CSGALNACT1: variants seen among roughly 807,000 people sequenced by gnomAD.
The protein encoded by CSGALNACT1 is chondroitin sulfate N-acetylgalactosaminyltransferase 1.
In CSGALNACT1, 52 loss-of-function variants were observed where a neutral mutation model predicts 51.0. The observed-to-expected ratio is 1.02, with a 90% CI of 0.82 to 1.29. The LOEUF (loss-of-function observed/expected upper bound fraction) is 1.29, where lower values mean the gene tolerates loss of function less well. Among genes scored for constraint, CSGALNACT1 ranks in the 50% most tolerant of loss-of-function variants. CSGALNACT1 has a pLI of 0.00. For synonymous variants in CSGALNACT1, 341 were observed against 254.4 expected, an observed-to-expected ratio of 1.34 and a Z score of -3.24; for missense variants, 935 against 679.2, an observed-to-expected ratio of 1.38 and a Z score of -4.19.
At chr8:19,407,366 C>T (rs1216186010) in intron 9 of CSGALNACT1, among the ~76,000 whole-genome samples, 5 of 152,166 alleles carry the variant, frequency 3.3e-5, no homozygotes, top group East Asian at 3.9e-4. Context: ...ACCAGCAGCT[C>T]GTGGGGAGCC....
chr8:19,693,043 C>A (rs2061409617), intron 1 of CSGALNACT1, among the ~76,000 whole-genome samples: 3 of 152,208 alleles, frequency 2.0e-5, no homozygotes, highest in African/African-American at 7.2e-5. Context: ...GAGTCTCGCT[C>A]CATCCCTGAC....
chr8:19,461,898 T>C lies in CSGALNACT1; in HGVS notation c.635-3256A>G, dbSNP rs150795834. On this transcript the variant is annotated intron_variant, in intron 4 of 9. Transcript: ENST00000454498. ...ATCCACACAGCAGCCACATTTACCATGGAGGGTGTATCCGCACAGCACCCA... is the reference window on the plus strand; with the variant it reads ...ATCCACACAGCAGCCACATTTACCACGGAGGGTGTATCCGCACAGCACCCA... Among the ~76,000 whole-genome samples the C allele has an allele frequency of 1.9e-3, 283 of 150,728 alleles. 8 individuals carry two copies. Among genetic ancestry groups the C allele is most frequent in the African/African-American group, 6.5e-3 (269 of 41,236 alleles).
At chr8:19,664,626 TACACACAC>T (rs58327790) in intron 1 of CSGALNACT1, among the ~76,000 whole-genome samples, 1 of 150,188 alleles carries the variant, frequency 6.7e-6, no homozygotes, top group Non-Finnish European at 1.5e-5. Context: ...TGGATGTATG[TACACACAC>T]ACAAACACAC....
chr8:19,739,343 A>G (rs1039458363), intron 1 of CSGALNACT1, among the ~76,000 whole-genome samples: 2 of 152,144 alleles, frequency 1.3e-5, no homozygotes, highest in African/African-American at 4.8e-5. Flanking sequence ...CTGCATCCCC[A>G]GCTAGGATCT....
At chr8:19,624,676 GT>G (rs552913018) in intron 1 of CSGALNACT1, among the ~76,000 whole-genome samples, 76 of 144,314 alleles carry the variant, frequency 5.3e-4, no homozygotes, top group African/African-American at 1.3e-3. Context: ...CCATCTTCTT[GT>G]TTTTTTTTTT....
chr8:19,540,050 A>C (rs374126622), intron 3 of CSGALNACT1, among the ~76,000 whole-genome samples: 1 of 152,222 alleles, frequency 6.6e-6, no homozygotes, highest in Non-Finnish European at 1.5e-5. Context: ...CAGAGCCACA[A>C]AAGACTAAAG....
At chr8:19,700,769 T>C (rs546008793) in intron 1 of CSGALNACT1, among the ~76,000 whole-genome samples, 1 of 152,212 alleles carries the variant, frequency 6.6e-6, no homozygotes, top group Non-Finnish European at 1.5e-5. Context: ...GAAAAGGCAA[T>C]CAACCTCTAT....
chr8:19,444,228 T>C (rs2061762195), intron 5 of CSGALNACT1, among the ~76,000 whole-genome samples: 1 of 152,262 alleles, frequency 6.6e-6, no homozygotes, highest in Non-Finnish European at 1.5e-5. Flanking sequence ...CTTTAAATCA[T>C]TTCCAGATTA....
intron 3 of CSGALNACT1, among the ~76,000 whole-genome samples, chr8:19,530,602 G>A (rs905660713): frequency 5.3e-5 from 8 of 152,130 alleles, no homozygotes; most frequent in African/African-American, 7.2e-5. Context: ...ACAGTGGCTC[G>A]CAGCTCGAGT....
chr8:19,696,367 T>A lies in CSGALNACT1; in HGVS notation c.-297+61483A>T, dbSNP rs143986899. ...AACAACCAACTCTTCGTTCCAGGGATATAAGCATGAATTAAAGGCAGGCCT... is the reference window on the plus strand; with the variant it reads ...AACAACCAACTCTTCGTTCCAGGGAAATAAGCATGAATTAAAGGCAGGCCT... On this transcript the variant is annotated intron_variant, in intron 1 of 1. Transcript: ENST00000517494. 2.0e-3 allele frequency among the ~76,000 whole-genome samples: 306 copies of A among 152,338 alleles called. 1 individual carries two copies. The highest frequency in any genetic ancestry group is 7.2e-3 in the African/African-American group (298 of 41,572).
intron 3 of CSGALNACT1, among the ~76,000 whole-genome samples, chr8:19,584,188 C>T (rs1020353830): frequency 1.4e-4 from 21 of 152,152 alleles, no homozygotes; most frequent in African/African-American, 3.1e-4. Context: ...ATCTGCAGAA[C>T]GTAATAGTCT....
chr8:19,667,019 GGA>G (rs1564386450), intron 1 of CSGALNACT1, among the ~76,000 whole-genome samples: 670 of 29,286 alleles, frequency 0.023, 109 homozygotes, highest in East Asian at 0.082. Context: ...AAGAAAGAAA[GGA>G]AGGAAGGAAG....
chr8:19,727,153 G>A (rs2063444691), intron 1 of CSGALNACT1, among the ~76,000 whole-genome samples: 2 of 152,156 alleles, frequency 1.3e-5, no homozygotes, highest in Non-Finnish European at 2.9e-5. Flanking sequence ...TTATCGGGAA[G>A]AGATGTGATT....
chr8:19,422,540 G>T (rs1408736234), intron 6 of CSGALNACT1, among the ~76,000 whole-genome samples: 5 of 152,142 alleles, frequency 3.3e-5, no homozygotes, highest in Admixed American at 3.3e-4. Context: ...ACATTTGCAG[G>T]GATTCTCTTC....
intron 2 of CSGALNACT1, among the ~76,000 whole-genome samples, chr8:19,594,431 A>G (rs1291595845): frequency 1.3e-5 from 2 of 152,208 alleles, no homozygotes; most frequent in East Asian, 1.9e-4. Context: ...AGTGAGACGA[A>G]CAATAACATT....
intron 8 of CSGALNACT1, among the ~76,000 whole-genome samples, chr8:19,416,919 GT>G (rs2057001064): frequency 6.6e-6 from 1 of 151,828 alleles, no homozygotes; most frequent in East Asian, 1.9e-4. Context: ...ATGGAGTGCA[GT>G]GGTGCGATCT....
At chr8:19,500,097 A>C (rs1344493483) in intron 4 of CSGALNACT1, among the ~76,000 whole-genome samples, 1 of 152,248 alleles carries the variant, frequency 6.6e-6, no homozygotes, top group Non-Finnish European at 1.5e-5. Flanking sequence ...AAGCAGTAAA[A>C]GGATAGAGGG....
rs73595449 is a variant in CSGALNACT1 at position 19,599,298 on chromosome 8, A to G, written c.-416+2473T>C. Among the ~76,000 whole-genome samples the G allele has an allele frequency of 6.8e-4, 104 of 151,902 alleles. 1 individual carries two copies. The highest frequency in any genetic ancestry group is 3.4e-3 in the Middle Eastern group (1 of 294). ...TTCGTGGTAGGGAGAGGCAGGAAAT[A>G]TATCAGTGAGCAGTGACAAGATACA... is the stretch of plus-strand genomic sequence containing the variant. On this transcript the variant is annotated intron_variant, in intron 2 of 9. Transcript: ENST00000454498.
At chr8:19,613,805 CT>C (rs2052629567) in intron 1 of CSGALNACT1, among the ~76,000 whole-genome samples, 1 of 152,142 alleles carries the variant, frequency 6.6e-6, no homozygotes, top group Non-Finnish European at 1.5e-5. Flanking sequence ...GTAGCTTTTT[CT>C]TCATATTCTC....
Sources: allele counts gnomAD v4.1 joint callset (sites outside exome capture counted in the v4.1 genomes callset), GRCh38; gene constraint gnomAD v4.1.1; transcripts MANE v1.5; gene names NCBI Gene and HGNC (gene_info 2026-07-23, HGNC 2026-07-21).